ERBB4: variants seen among roughly 807,000 people sequenced by gnomAD.
The protein encoded by ERBB4 is erb-b2 receptor tyrosine kinase 4.
ERBB4 carries 42 observed loss-of-function variants against 158.0 expected under a neutral mutation model. The ratio of observed to expected loss-of-function variants is 0.27; its 90% CI spans 0.21 to 0.34. ERBB4 has a LOEUF of 0.34. Among genes scored for constraint, ERBB4 ranks in the 10% least tolerant of loss-of-function variants. The probability of loss-of-function intolerance (pLI) is 1.00; values close to 1 mark genes in which losing one functional copy is unlikely to be tolerated. For synonymous variants in ERBB4, 583 were observed against 558.7 expected (o/e 1.04, Z -0.61); for missense variants, 1,333 against 1,624.1 (o/e 0.82, Z 3.08).
chr2:211,399,977 T>A (rs983551053), intron 25 of ERBB4, among the ~76,000 whole-genome samples: 3 of 152,172 alleles, frequency 2.0e-5, no homozygotes, highest in African/African-American at 7.2e-5. Flanking sequence ...AGGACCATTT[T>A]AAAATTTTCA....
At position 211,675,896 on chromosome 2, in the gene ERBB4, C is replaced by T. The variant is rs528512121; in HGVS notation, c.1623-2639G>A. Among the ~76,000 whole-genome samples, 50 of 149,566 alleles carry T rather than the reference C, an allele frequency of 3.3e-4. 1 individual carries two copies. The South Asian group carries it at 0.01, about 31-fold the overall frequency. On this transcript the variant is annotated intron_variant, in intron 13 of 27. Transcript: ENST00000342788. ...TTCAAAAATGGCCATTCTATTTAAC[C>T]ATTTAATCAACTCAGATAAATAGAC...
intron 1 of ERBB4, among the ~76,000 whole-genome samples, chr2:212,341,200 C>A (rs980068018): frequency 6.6e-6 from 1 of 151,302 alleles, no homozygotes; most frequent in Non-Finnish European, 1.5e-5. Flanking sequence ...ATGTATATGC[C>A]AAAATATTTG....
At chr2:211,711,797 G>A (rs1321588838) in intron 9 of ERBB4, among the ~76,000 whole-genome samples, 2 of 152,232 alleles carry the variant, frequency 1.3e-5, no homozygotes, top group Non-Finnish European at 2.9e-5. Context: ...TGAGGAGGAT[G>A]TCCTAAAATA....
At chr2:211,941,672 T>A (rs1300288543) in intron 3 of ERBB4, among the ~76,000 whole-genome samples, 1 of 150,532 alleles carries the variant, frequency 6.6e-6, no homozygotes, top group Non-Finnish European at 1.5e-5. Context: ...GAGAAACAGA[T>A]CTTAAGCACA....
rs2073067019 is a variant in ERBB4, at chr2:211,697,434, C to T, written c.1489+4533G>A. Among the ~76,000 whole-genome samples the T allele has an allele frequency of 3.3e-5, 5 of 151,954 alleles. No individual in the cohort carries two copies. The South Asian group carries it at 1.0e-3, about 32-fold the overall frequency. ...GGAAAAGAACAATCTAGTCACTTAACTATATAAAAATATGGTTTGATAAAC... is the reference window on the plus strand; with the variant it reads ...GGAAAAGAACAATCTAGTCACTTAATTATATAAAAATATGGTTTGATAAAC... On this transcript the variant is annotated intron_variant, in intron 12 of 27. Transcript: ENST00000342788.
Position 212,105,603 on chromosome 2 carries a change from G to A in ERBB4, c.234+19149C>T, listed in dbSNP as rs538641688. ...AATTCAATTAAAATGCATTTGTGTC[G>A]AAAAATGTTTCAATAAAATTTAAAA... On this transcript the variant is annotated intron_variant, in intron 2 of 27. Transcript: ENST00000342788. Among the ~76,000 whole-genome samples the A allele has an allele frequency of 1.2e-4, 18 of 152,202 alleles. 1 individual carries two copies. Among genetic ancestry groups the A allele is most frequent in the Admixed American group, 7.8e-4 (12 of 15,290 alleles).
At chr2:211,742,917 C>T (rs2074844695) in intron 5 of ERBB4, among the ~76,000 whole-genome samples, 1 of 151,714 alleles carries the variant, frequency 6.6e-6, no homozygotes, top group Admixed American at 6.6e-5. Context: ...AGTTCTATTA[C>T]TTATGATAGT....
At chr2:212,025,266 C>CT (rs2076747428) in intron 2 of ERBB4, among the ~76,000 whole-genome samples, 1 of 151,732 alleles carries the variant, frequency 6.6e-6, no homozygotes, top group East Asian at 1.9e-4. Flanking sequence ...TGAGAAGGCA[C>CT]TTGAAAGGTG....
At chr2:212,140,172 C>A (rs1333279326) in intron 1 of ERBB4, among the ~76,000 whole-genome samples, 2 of 151,020 alleles carry the variant, frequency 1.3e-5, no homozygotes, top group East Asian at 3.9e-4. Context: ...GTTCTGGTCT[C>A]AAAAACTAAA....
At chr2:212,145,692 C>G (rs1256122483) in intron 1 of ERBB4, among the ~76,000 whole-genome samples, 1 of 139,680 alleles carries the variant, frequency 7.2e-6, no homozygotes, top group African/African-American at 2.7e-5. Flanking sequence ...CTTGGCTGTG[C>G]CCACTCAACA....
intron 1 of ERBB4, among the ~76,000 whole-genome samples, chr2:212,487,057 T>A (rs550530240): frequency 3.0e-4 from 46 of 152,284 alleles, no homozygotes; most frequent in Middle Eastern, 3.4e-3. Flanking sequence ...AAAATATCTC[T>A]TAAGCATTTT....
intron 1 of ERBB4, among the ~76,000 whole-genome samples, chr2:212,479,304 T>TTC (rs551047212): frequency 0.011 from 1,719 of 151,810 alleles, 13 homozygotes; most frequent in Middle Eastern, 0.037. Flanking sequence ...AGCTACCTCT[T>TTC]TCTCTCTCTT....
chr2:211,520,408 T>C (rs1391916836), intron 20 of ERBB4, among the ~76,000 whole-genome samples: 1 of 152,120 alleles, frequency 6.6e-6, no homozygotes, highest in Non-Finnish European at 1.5e-5. Flanking sequence ...AAAACATGGG[T>C]TGGCAAAATA....
intron 20 of ERBB4, among the ~76,000 whole-genome samples, chr2:211,507,965 C>G (rs975128127): frequency 5.3e-5 from 8 of 152,086 alleles, no homozygotes; most frequent in Non-Finnish European, 1.2e-4. Flanking sequence ...TTTCCTTACA[C>G]CTTATACACA....
Position 211,384,049 on chromosome 2 carries a change from G to A in ERBB4, c.3493C>T (p.Pro1165Ser). The A allele has an allele frequency of 1.2e-6, 2 of 1,611,792 alleles. No individual in the cohort carries two copies. Among genetic ancestry groups the A allele is most frequent in the Admixed American group, 1.7e-5 (1 of 59,966 alleles). Residue 1165 changes from proline to serine, a missense_variant, in exon 28 of 28, where the codon CCA becomes TCA. Transcript: ENST00000342788. ...RDKPKQEYLN[P>S]VEENPFVSRR... is the part of the protein sequence containing the mutation. Reference sequence around the variant, plus strand: ...GAAACAAAAGGGTTCTCCTCCACTGGATTCAGGTATTCTAAAGGAATAAAA... The same window carrying A: ...GAAACAAAAGGGTTCTCCTCCACTGAATTCAGGTATTCTAAAGGAATAAAA...
intron 1 of ERBB4, among the ~76,000 whole-genome samples, chr2:212,206,463 G>A (rs750403822): frequency 6.6e-6 from 1 of 151,924 alleles, no homozygotes; most frequent in African/African-American, 2.4e-5. Flanking sequence ...TTCACGGTGA[G>A]CCTTTTATTT....
intron 3 of ERBB4, among the ~76,000 whole-genome samples, chr2:211,922,859 A>G (rs759463202): frequency 2.6e-5 from 4 of 152,140 alleles, no homozygotes; most frequent in Non-Finnish European, 5.9e-5. Context: ...CAGGGAAAAA[A>G]GACATATGCA....
Position 212,435,389 on chromosome 2 carries a change from C to T in ERBB4, c.82+103060G>A, listed in dbSNP as rs1241073968. On this transcript the variant is annotated intron_variant, in intron 1 of 27. Coordinates refer to ENST00000342788, the MANE Select transcript of ERBB4 (RefSeq NM_005235.3). ...TAGACTTGATGTTAAATTTTGGACA[C>T]CATAAATAATTCTGGGCAACACTTG... Among the ~76,000 whole-genome samples the T allele has an allele frequency of 4.6e-5, 7 of 151,896 alleles. No individual in the cohort carries two copies. The East Asian group carries it at 9.6e-4, about 21-fold the overall frequency.
At chr2:211,503,901 T>C (rs1031631911) in intron 20 of ERBB4, among the ~76,000 whole-genome samples, 5 of 152,050 alleles carry the variant, frequency 3.3e-5, no homozygotes, top group African/African-American at 1.2e-4. Context: ...GGTTGCAGGA[T>C]TGCTAGATTG....
Sources: gnomAD v4.1 joint callset for allele counts (sites outside exome capture counted in the v4.1 genomes callset) on GRCh38, gnomAD v4.1.1 for gene constraint, MANE v1.5 for transcripts, NCBI Gene and HGNC (gene_info 2026-07-23, HGNC 2026-07-21) for gene names.